The following SIK2 variants were observed in gnomAD, a reference collection of about 807,000 sequenced individuals.
SIK2 encodes the protein serine/threonine-protein kinase SIK2.
In SIK2, 29 loss-of-function variants were observed where a neutral mutation model predicts 103.2. That is an observed-to-expected ratio of 0.28 (90% CI 0.21 to 0.38). SIK2 has a LOEUF of 0.38. SIK2 is among the 10% of genes least tolerant of loss of function. The probability of loss-of-function intolerance (pLI) is 1.00; values close to 1 mark genes in which losing one functional copy is unlikely to be tolerated. For synonymous variants in SIK2, 412 were observed against 446.1 expected (o/e 0.92, Z 0.96); for missense variants, 879 against 1,171.0 (o/e 0.75, Z 3.64).
chr11:111,692,216 C>G (rs1942957567), intron 4 of SIK2, among the ~76,000 whole-genome samples: 1 of 151,440 alleles, frequency 6.6e-6, no homozygotes, highest in Non-Finnish European at 1.5e-5. Flanking sequence ...CCAGGAATGG[C>G]AGCATGCGCC....
intron 10 of SIK2, 102 bp downstream of exon 10, chr11:111,720,105 C>T (rs1943757625): frequency 7.9e-6 from 9 of 1,135,328 alleles, no homozygotes; most frequent in East Asian, 7.7e-5. Flanking sequence ...AAAATTGAGT[C>T]GATAGCTTAT....
chr11:111,721,807 G>A (rs981278516), intron 12 of SIK2, 23 bp from the exon 13 acceptor site: 3 of 1,575,556 alleles, frequency 1.9e-6, no homozygotes, highest in Non-Finnish European at 2.6e-6. Context: ...ATTGAAAATT[G>A]TTTCCACCCC....
chr11:111,724,463 T>A lies in SIK2; in HGVS notation c.*334T>A. 3.3e-6 allele frequency: 1 copy of A among 306,586 alleles called. No homozygotes were observed. Among genetic ancestry groups the A allele is most frequent in the Non-Finnish European group, 6.1e-6 (1 of 164,344 alleles). The allele number at this position is 306,586 out of a possible 1,614,324, so 19.0% of individuals were successfully genotyped here. On this transcript the variant is annotated 3_prime_UTR_variant, in exon 15 of 15. Coordinates refer to ENST00000304987, the MANE Select transcript of SIK2 (RefSeq NM_015191.3). Reference sequence around the variant, plus strand: ...AGGTGTTATGCAGGATTACATCCGTTTATTATCAAGGGCAACCTTGGTGAA... The same window carrying A: ...AGGTGTTATGCAGGATTACATCCGTATATTATCAAGGGCAACCTTGGTGAA...
chr11:111,709,884 C>T (rs980491720), intron 8 of SIK2, among the ~76,000 whole-genome samples: 3 of 152,202 alleles, frequency 2.0e-5, no homozygotes, highest in Admixed American at 6.5e-5. Context: ...CTATGTGCTA[C>T]GCTTGGTCTG....
At chr11:111,613,797 G>A (rs972852020) in intron 1 of SIK2, among the ~76,000 whole-genome samples, 3 of 152,044 alleles carry the variant, frequency 2.0e-5, no homozygotes, top group African/African-American at 4.8e-5. Flanking sequence ...ATTCTTAGGC[G>A]ATAAATTTAA....
At chr11:111,703,734 G>C (rs546205674) in intron 7 of SIK2, among the ~76,000 whole-genome samples, 1 of 152,144 alleles carries the variant, frequency 6.6e-6, no homozygotes, top group Non-Finnish European at 1.5e-5. Context: ...GTTTTACATA[G>C]GTATTTAACT....
chr11:111,694,638 G>GT (rs1279341953), intron 4 of SIK2, among the ~76,000 whole-genome samples: 2 of 152,114 alleles, frequency 1.3e-5, no homozygotes, highest in African/African-American at 2.4e-5. Flanking sequence ...AATATTTATT[G>GT]TAAGTCTTCC....
intron 1 of SIK2, among the ~76,000 whole-genome samples, chr11:111,611,030 G>A (rs530976629): frequency 2.0e-5 from 3 of 152,190 alleles, no homozygotes; most frequent in African/African-American, 7.2e-5. Context: ...AGGATTACTT[G>A]AGCCTAGGAG....
Position 111,688,188 on chromosome 11 carries a change from T to C in SIK2, c.478+26T>C, listed in dbSNP as rs776788540. The C allele has an allele frequency of 6.2e-7, 1 of 1,613,470 alleles. No individual in the cohort carries two copies. The highest frequency in any genetic ancestry group is 2.2e-5 in the East Asian group (1 of 44,866). ...GTAACTGGGACACAACTGGCTCTAA[T>C]AAGATCCGAAGTGAGCCACTGCACT... On this transcript the variant is annotated intron_variant, in intron 4 of 14. Transcript: ENST00000304987. This position sits in a 1 kb window ranked among gnomAD's most constrained non-coding sequence, Gnocchi z 4.2.
At chr11:111,633,836 T>C (rs1002729262) in intron 3 of SIK2, among the ~76,000 whole-genome samples, 18 of 152,218 alleles carry the variant, frequency 1.2e-4, no homozygotes, top group African/African-American at 4.3e-4. Context: ...GCATGGAATA[T>C]GGAATGGCAA....
chr11:111,615,538 G>A (rs1327075443), intron 1 of SIK2, among the ~76,000 whole-genome samples: 1 of 151,874 alleles, frequency 6.6e-6, no homozygotes, highest in Admixed American at 6.6e-5. Context: ...TGTAATCATT[G>A]ATTTCTGCCT....
chr11:111,603,899 A>G (rs1359003456), intron 1 of SIK2, among the ~76,000 whole-genome samples: 1 of 152,232 alleles, frequency 6.6e-6, no homozygotes, highest in Non-Finnish European at 1.5e-5. Context: ...TGTAAGGCGA[A>G]GGGCACTTGC....
At chr11:111,644,217 AG>A (rs1942222195) in intron 3 of SIK2, among the ~76,000 whole-genome samples, 1 of 146,556 alleles carries the variant, frequency 6.8e-6, no homozygotes, top group South Asian at 2.3e-4. Flanking sequence ...TGAACCCAGG[AG>A]GCGGAGGTTG....
At chr11:111,703,054 C>T (rs1417799309) in intron 6 of SIK2, 149 bp from the exon 7 acceptor site, 1 of 648,048 alleles carries the variant, frequency 1.5e-6, no homozygotes, top group Non-Finnish European at 2.7e-6. Context: ...TATAAGTAGC[C>T]TGCATGTGTT....
At chr11:111,641,621 T>A (rs1942184359) in intron 3 of SIK2, among the ~76,000 whole-genome samples, 1 of 152,218 alleles carries the variant, frequency 6.6e-6, no homozygotes, top group Admixed American at 6.5e-5. Context: ...ATGATTAGGA[T>A]CCCAAGTGGT....
intron 3 of SIK2, among the ~76,000 whole-genome samples, chr11:111,624,184 A>G (rs933514052): frequency 1.3e-5 from 2 of 152,258 alleles, no homozygotes; most frequent in Non-Finnish European, 2.9e-5. Flanking sequence ...AAAGAACCAT[A>G]TGCACTTCTA....
At position 111,721,863 on chromosome 11, in the gene SIK2, A is replaced by T; in HGVS notation, c.1978A>T (p.Thr660Ser). The change falls in exon 13 of 15, where the codon ACT (threonine) becomes TCT (serine). Residue 660 changes from threonine to serine, a missense_variant. By Grantham distance (58) the Thr-to-Ser change is moderately conservative. Coordinates refer to ENST00000304987, the MANE Select transcript of SIK2 (RefSeq NM_015191.3). ...TTCTCAGCAGCAGGAAAGCGTCTCC[A>T]CTCTCCCTGCCAGCGTGCATCCCCA... is the stretch of plus-strand genomic sequence containing the variant. ...EVSQQQESVS[T>S]LPASVHPQLS... 1.2e-6 allele frequency: 2 copies of T among 1,611,250 alleles called. No homozygotes were observed. The highest frequency in any genetic ancestry group is 1.7e-6 in the Non-Finnish European group (2 of 1,178,666).
chr11:111,710,041 G>A (rs1343434272), intron 8 of SIK2, among the ~76,000 whole-genome samples: 1 of 152,226 alleles, frequency 6.6e-6, no homozygotes, highest in East Asian at 1.9e-4. Context: ...CCTTCATAGA[G>A]AAGGAGCAGT....
Position 111,723,484 on chromosome 11 carries a change from T to C in SIK2, c.2148-12T>C, listed in dbSNP as rs894447767. The C allele has an allele frequency of 2.5e-6, 4 of 1,579,038 alleles. No individual in the cohort carries two copies. The African/African-American group carries it at 4.1e-5, about 16-fold the overall frequency. ...AGATTTAAAATTCTTTCCTTTGATA[T>C]TACCAATTTAGGCTCCAGCAGAAGC... is the stretch of plus-strand genomic sequence containing the variant. On this transcript the variant is annotated splice_polypyrimidine_tract_variant and intron_variant, in intron 14 of 14. Coordinates refer to ENST00000304987, the MANE Select transcript of SIK2 (RefSeq NM_015191.3).
Sources: gnomAD v4.1 joint callset for allele counts (sites outside exome capture counted in the v4.1 genomes callset) on GRCh38, gnomAD v4.1.1 for gene constraint, Gnocchi (gnomAD v3.1) non-coding constraint, MANE v1.5 for transcripts, NCBI Gene and HGNC (gene_info 2026-07-23, HGNC 2026-07-21) for gene names.